SYNGR4: variants seen among roughly 807,000 people sequenced by gnomAD.
SYNGR4 encodes synaptogyrin-4.
A neutral mutation model predicts 15.5 loss-of-function variants in SYNGR4; 15 were observed. The observed-to-expected ratio is 0.97, with a 90% CI of 0.65 to 1.49. The LOEUF is 1.49. Ranked by LOEUF, SYNGR4 falls within the 40% of genes most tolerant of loss-of-function variation. The pLI, the probability that SYNGR4 is intolerant of heterozygous loss-of-function variation, is 0.00. For missense variants in SYNGR4, 292 were observed against 299.3 expected (o/e 0.98, Z 0.18); for synonymous variants, 121 against 127.4 (o/e 0.95, Z 0.34).
chr19:48,366,698 G>A (rs969363976), intron 2 of SYNGR4, among the ~76,000 whole-genome samples: 1 of 152,076 alleles, frequency 6.6e-6, no homozygotes, highest in African/African-American at 2.4e-5. Flanking sequence ...CAGCCACCGC[G>A]CCCAGCCTAA....
At chr19:48,374,249 T>G (rs1424481065) in intron 3 of SYNGR4, among the ~76,000 whole-genome samples, 1 of 151,944 alleles carries the variant, frequency 6.6e-6, no homozygotes, top group East Asian at 1.9e-4. Context: ...GGCTAATTAT[T>G]TTTTGTATTT....
At chr19:48,366,889 CA>C (rs1970231744) in intron 2 of SYNGR4, among the ~76,000 whole-genome samples, 1 of 151,770 alleles carries the variant, frequency 6.6e-6, no homozygotes, top group Non-Finnish European at 1.5e-5. Context: ...TGTGGTGGTT[CA>C]TGCCTGTAAA....
chr19:48,370,208 C>T (rs114642699), intron 2 of SYNGR4, among the ~76,000 whole-genome samples: 3,994 of 152,204 alleles, frequency 0.026, 179 homozygotes, highest in African/African-American at 0.091. Context: ...AGCAGGGGCC[C>T]GGCAAGGTGG....
chr19:48,376,019 A>T (rs1180237179), intron 4 of SYNGR4, 66 bp from the exon 5 acceptor site: 1 of 1,611,238 alleles, frequency 6.2e-7, no homozygotes, highest in Non-Finnish European at 8.5e-7. Flanking sequence ...GCCAGTCCCC[A>T]GCCCAGTCCC....
In SYNGR4 at chr19:48,376,073, T is replaced by C; in HGVS notation, c.472-12T>C. On this transcript the variant is annotated splice_polypyrimidine_tract_variant and intron_variant, in intron 4 of 4. Coordinates refer to ENST00000344846, the MANE Select transcript of SYNGR4 (RefSeq NM_012451.4). ...CCAAGTCAGCCTTCAGCACGCGCTT[T>C]TCTGCCCACAGATATTCCAGGCCTA... 1 of 1,614,154 alleles carries C rather than the reference T, an allele frequency of 6.2e-7. No individual in the cohort carries two copies. The highest frequency in any genetic ancestry group is 8.5e-7 in the Non-Finnish European group (1 of 1,180,028).
Position 48,375,730 on chromosome 19 carries a change from C to T in SYNGR4, c.449C>T (p.Thr150Ile). ...AGTGCCCAGGCAGCCATCGCCTTCACCTTCTTCTCCATCCTTGTCTGGGTG... is the reference window on the plus strand; with the variant it reads ...AGTGCCCAGGCAGCCATCGCCTTCATCTTCTTCTCCATCCTTGTCTGGGTG... Reference protein sequence around the residue: ...SSSAQAAIAFTFFSILVWIFQ... With the variant: ...SSSAQAAIAFIFFSILVWIFQ... The change falls in exon 4 of 5, where the codon ACC becomes ATC. Residue 150 changes from threonine to isoleucine, a missense_variant. Thr to Ile is a moderately conservative substitution (Grantham distance 89). Coordinates refer to ENST00000344846, the MANE Select transcript of SYNGR4 (RefSeq NM_012451.4). 1 of 1,613,662 alleles carries T rather than the reference C, an allele frequency of 6.2e-7. No homozygotes were observed. The highest frequency in any genetic ancestry group is 8.5e-7 in the Non-Finnish European group (1 of 1,179,646).
Position 48,373,725 on chromosome 19 carries a change from C to G in SYNGR4, c.302C>G (p.Ala101Gly), listed in dbSNP as rs962906793. Residue 101 changes from alanine to glycine, a missense_variant, in exon 3 of 5, where the codon GCC (alanine) becomes GGC (glycine). By Grantham distance (60) the Ala-to-Gly change is moderately conservative. Transcript: ENST00000344846. ...TRIAGTRFKT[A>G]FQLLDFILAV... ...ATTGCCGGCACCCGCTTCAAGACAGCCTTCCAGCTCCTGGACTTCATCCTG... is the reference window on the plus strand; with the variant it reads ...ATTGCCGGCACCCGCTTCAAGACAGGCTTCCAGCTCCTGGACTTCATCCTG... 1.2e-6 allele frequency: 2 copies of G among 1,613,996 alleles called. No individual in the cohort carries two copies. Among genetic ancestry groups the G allele is most frequent in the Non-Finnish European group, 1.7e-6 (2 of 1,180,006 alleles).
chr19:48,374,577 G>A (rs1351215644), intron 3 of SYNGR4, among the ~76,000 whole-genome samples: 1 of 152,190 alleles, frequency 6.6e-6, no homozygotes, highest in South Asian at 2.1e-4. Flanking sequence ...GAAGGTCATC[G>A]AATCTAGTGC....
chr19:48,365,959 T>G, intron 2 of SYNGR4, 24 bp downstream of exon 2: 3 of 1,611,640 alleles, frequency 1.9e-6, no homozygotes, highest in Non-Finnish European at 2.5e-6. Context: ...ATGGCCCGAC[T>G]GTGCCCCTGG....
intron 4 of SYNGR4, 118 bp from the exon 5 acceptor site, chr19:48,375,967 A>G: frequency 6.4e-7 from 1 of 1,553,676 alleles, no homozygotes; most frequent in Non-Finnish European, 8.7e-7. Context: ...GCTCCTGGGC[A>G]GTGAGCAGTC....
At position 48,375,685 on chromosome 19, in the gene SYNGR4, A is replaced by C; in HGVS notation, c.404A>C (p.Glu135Ala). ...CAATGGCAGCATTCGCCGCCCAAAG[A>C]GTTCCTCCTGGGGAGCAGCAGTGCC... Reference protein sequence around the residue: ...ANQWQHSPPKEFLLGSSSAQA... With the variant: ...ANQWQHSPPKAFLLGSSSAQA... Residue 135 changes from glutamate (E) to alanine (A), a missense_variant, in exon 4 of 5, where the codon GAG (glutamate) becomes GCG (alanine). Transcript: ENST00000344846. The C allele has an allele frequency of 1.9e-6, 3 of 1,613,942 alleles. No homozygotes were observed. The highest frequency in any genetic ancestry group is 1.6e-4 in the Middle Eastern group (1 of 6,062).
chr19:48,373,769 C>A lies in SYNGR4; in HGVS notation c.331+15C>A. On this transcript the variant is annotated intron_variant, in intron 3 of 4. Coordinates refer to ENST00000344846, the MANE Select transcript of SYNGR4 (RefSeq NM_012451.4). ...CATCCTGGCTGGTGAGCCCCCAGGACCCCCAACCCAGAGCTGCCCCTCCTC... is the reference window on the plus strand; with the variant it reads ...CATCCTGGCTGGTGAGCCCCCAGGAACCCCAACCCAGAGCTGCCCCTCCTC... 1.2e-6 allele frequency: 2 copies of A among 1,611,232 alleles called. No individual in the cohort carries two copies. The highest frequency in any genetic ancestry group is 2.7e-5 in the African/African-American group (2 of 74,974).
At chr19:48,366,678 T>A (rs1435874945) in intron 2 of SYNGR4, among the ~76,000 whole-genome samples, 2 of 151,866 alleles carry the variant, frequency 1.3e-5, no homozygotes, top group Non-Finnish European at 2.9e-5. Flanking sequence ...AGTGCTGGGA[T>A]TATAGGTGTC....
chr19:48,374,004 A>G (rs2147410266), intron 3 of SYNGR4, among the ~76,000 whole-genome samples: 1 of 151,922 alleles, frequency 6.6e-6, no homozygotes, highest in East Asian at 1.9e-4. Flanking sequence ...TGACCCCCAG[A>G]CAAATTATAG....
intron 3 of SYNGR4, 45 bp downstream of exon 3, chr19:48,373,799 T>A: frequency 6.3e-7 from 1 of 1,591,992 alleles, no homozygotes; most frequent in Non-Finnish European, 8.6e-7. Context: ...CTCCTCCCGC[T>A]CACAGCCCTC....
chr19:48,370,020 C>A (rs1970280481), intron 2 of SYNGR4, among the ~76,000 whole-genome samples: 1 of 152,086 alleles, frequency 6.6e-6, no homozygotes, highest in African/African-American at 2.4e-5. Context: ...TCACAGAAGG[C>A]AATTAAGGCA....
rs958021485 is a variant in SYNGR4, at chr19:48,374,524, C to T, written c.331+770C>T. The stretch of plus-strand genomic sequence containing the variant: ...CCTCCCCACCCTGCCGCTCCTCCTC[C>T]CTACTGGGCCAGTCCCAGTGACTTA... On this transcript the variant is annotated intron_variant, in intron 3 of 4. Transcript: ENST00000344846. Among the ~76,000 whole-genome samples the T allele has an allele frequency of 3.9e-4, 59 of 152,346 alleles. 1 individual carries two copies. Among genetic ancestry groups the T allele is most frequent in the Non-Finnish European group, 6.0e-4 (41 of 68,032 alleles).
At chr19:48,373,779 A>T in intron 3 of SYNGR4, 25 bp downstream of exon 3, 1 of 1,607,814 alleles carries the variant, frequency 6.2e-7, no homozygotes, top group Non-Finnish European at 8.5e-7. Flanking sequence ...CCCCCAACCC[A>T]GAGCTGCCCC....
At chr19:48,371,114 A>T (rs996085883) in intron 2 of SYNGR4, among the ~76,000 whole-genome samples, 1 of 151,968 alleles carries the variant, frequency 6.6e-6, no homozygotes, top group Non-Finnish European at 1.5e-5. Flanking sequence ...TTCCAGCCTC[A>T]TCTCACACCA....
Sources: gnomAD v4.1 joint callset for allele counts (sites outside exome capture counted in the v4.1 genomes callset) on GRCh38, gnomAD v4.1.1 for gene constraint, MANE v1.5 for transcripts, NCBI Gene and HGNC (gene_info 2026-07-23, HGNC 2026-07-21) for gene names.